The following DPYD variants were observed in gnomAD, a reference collection of about 807,000 sequenced individuals.
DPYD encodes the protein dihydropyrimidine dehydrogenase [NADP(+)].
DPYD carries 109 observed loss-of-function variants against 116.2 expected under a neutral mutation model. That is an observed-to-expected ratio of 0.94 (90% CI 0.80 to 1.10). DPYD has a LOEUF of 1.10. DPYD is among the 50% of genes least tolerant of loss of function. The probability of loss-of-function intolerance (pLI) is 0.00; values close to 1 mark genes in which losing one functional copy is unlikely to be tolerated. For missense variants in DPYD, 1,302 were observed against 1,254.5 expected, an observed-to-expected ratio of 1.04 and a Z score of -0.57; for synonymous variants, 440 against 432.0, an observed-to-expected ratio of 1.02 and a Z score of -0.23.
intron 4 of DPYD, among the ~76,000 whole-genome samples, chr1:97,728,963 G>A (rs1475711207): frequency 6.6e-6 from 1 of 151,918 alleles, no homozygotes; most frequent in Non-Finnish European, 1.5e-5. Context: ...AAAAAAAAAT[G>A]GAGATAGAAG....
intron 3 of DPYD, among the ~76,000 whole-genome samples, chr1:97,748,316 G>C (rs1664671528): frequency 6.6e-6 from 1 of 152,032 alleles, no homozygotes; most frequent in African/African-American, 2.4e-5. Context: ...CCAGGACAAA[G>C]AGTATAATTT....
chr1:97,198,382 T>G (rs1194378272), intron 19 of DPYD, among the ~76,000 whole-genome samples: 3 of 152,186 alleles, frequency 2.0e-5, no homozygotes. Flanking sequence ...CTACTTATAA[T>G]AAGAAGTCAT....
At chr1:97,332,950 A>G (rs983200525) in intron 16 of DPYD, among the ~76,000 whole-genome samples, 2 of 152,044 alleles carry the variant, frequency 1.3e-5, no homozygotes, top group African/African-American at 4.8e-5. Context: ...AACTTTCAAG[A>G]GCTTTTCCAG....
At chr1:97,290,615 G>A (rs1666076510) in intron 18 of DPYD, among the ~76,000 whole-genome samples, 1 of 152,074 alleles carries the variant, frequency 6.6e-6, no homozygotes, top group East Asian at 1.9e-4. Context: ...AATGGTTCTG[G>A]GAAAACTGGC....
intron 1 of DPYD, among the ~76,000 whole-genome samples, chr1:97,897,780 T>C (rs1393871118): frequency 7.9e-5 from 12 of 151,960 alleles, no homozygotes; most frequent in Admixed American, 7.9e-4. Flanking sequence ...ACAGTTTTAA[T>C]GTTCTTCTCT....
intron 1 of DPYD, among the ~76,000 whole-genome samples, chr1:97,919,492 G>A (rs1254119076): frequency 6.6e-6 from 1 of 152,178 alleles, no homozygotes. Context: ...TGAAATTAAA[G>A]AGCCAAAAGC....
chr1:97,850,828 T>A (rs1035721017), intron 2 of DPYD, among the ~76,000 whole-genome samples: 1 of 152,080 alleles, frequency 6.6e-6, no homozygotes. Context: ...AACTCCACCA[T>A]CTGTTCTATA....
At chr1:97,538,490 C>T (rs1650187158) in intron 12 of DPYD, among the ~76,000 whole-genome samples, 1 of 152,168 alleles carries the variant, frequency 6.6e-6, no homozygotes, top group Non-Finnish European at 1.5e-5. Context: ...TTAGTTCCCT[C>T]AACCACTAGT....
chr1:97,912,003 C>A (rs906096945), intron 1 of DPYD, among the ~76,000 whole-genome samples: 1 of 152,048 alleles, frequency 6.6e-6, no homozygotes, highest in African/African-American at 2.4e-5. Flanking sequence ...AAGGAAGTCA[C>A]ATCCACATCA....
Position 97,883,261 on chromosome 1 carries a change from T to C in DPYD, c.150+3A>G. On this transcript the variant is annotated splice_donor_region_variant and intron_variant, in intron 2 of 22. Transcript: ENST00000370192. ...CATGAAATAGTGTATCAGTGGTACT[T>C]ACAAAGCAGTTCTTATCAGGATTTC... is the stretch of plus-strand genomic sequence containing the variant. The C allele has an allele frequency of 6.3e-7, 1 of 1,597,316 alleles. No individual in the cohort carries two copies.
chr1:97,506,541 T>A (rs1379013314), intron 13 of DPYD, among the ~76,000 whole-genome samples: 2 of 151,918 alleles, frequency 1.3e-5, no homozygotes, highest in Admixed American at 1.3e-4. Flanking sequence ...TTGCTTTTTT[T>A]AAAAAAGGAA....
intron 16 of DPYD, among the ~76,000 whole-genome samples, chr1:97,360,384 A>G (rs1023500319): frequency 6.6e-6 from 1 of 152,216 alleles, no homozygotes; most frequent in Non-Finnish European, 1.5e-5. Context: ...TGTCAATATT[A>G]GACAGATCAG....
At chr1:97,352,558 A>G (rs1670201177) in intron 16 of DPYD, among the ~76,000 whole-genome samples, 1 of 145,208 alleles carries the variant, frequency 6.9e-6, no homozygotes, top group Non-Finnish European at 1.5e-5. Flanking sequence ...AACAACCTGA[A>G]ATAGTAAAAA....
At chr1:97,755,526 A>G (rs972298648) in intron 3 of DPYD, among the ~76,000 whole-genome samples, 2 of 152,158 alleles carry the variant, frequency 1.3e-5, no homozygotes, top group Admixed American at 1.3e-4. Flanking sequence ...ACTGTGCACA[A>G]TGAGTCTGCT....
chr1:97,502,141 A>G (rs1679620717), intron 13 of DPYD, among the ~76,000 whole-genome samples: 1 of 152,154 alleles, frequency 6.6e-6, no homozygotes, highest in South Asian at 2.1e-4. Flanking sequence ...AAGTCATAAG[A>G]TCTTCTGTTA....
At chr1:97,691,600 C>A in intron 7 of DPYD, 117 bp downstream of exon 7, 1 of 884,980 alleles carries the variant, frequency 1.1e-6, no homozygotes, top group Non-Finnish European at 1.8e-6. Context: ...CTGCTTCTGC[C>A]TGATGTAGCT....
At chr1:97,152,734 T>C (rs1163031694) in intron 20 of DPYD, among the ~76,000 whole-genome samples, 1 of 151,528 alleles carries the variant, frequency 6.6e-6, no homozygotes, top group East Asian at 1.9e-4. Context: ...AATATTATCA[T>C]CATCAATGTT....
intron 3 of DPYD, among the ~76,000 whole-genome samples, chr1:97,795,946 TA>T (rs1354577701): frequency 6.6e-6 from 1 of 152,002 alleles, no homozygotes; most frequent in Non-Finnish European, 1.5e-5. Context: ...AATTTTCTGA[TA>T]ATGAGGGTAG....
intron 1 of DPYD, among the ~76,000 whole-genome samples, chr1:97,900,174 C>T (rs1159070111): frequency 6.6e-6 from 1 of 151,840 alleles, no homozygotes; most frequent in Non-Finnish European, 1.5e-5. Flanking sequence ...GGAGCTCTAG[C>T]TGCTAACTTC....
Sources: allele counts gnomAD v4.1 joint callset (sites outside exome capture counted in the v4.1 genomes callset), GRCh38; gene constraint gnomAD v4.1.1; transcripts MANE v1.5; gene names NCBI Gene and HGNC (gene_info 2026-07-23, HGNC 2026-07-21).